The following ATAD5 variants were observed in gnomAD, a reference collection of about 807,000 sequenced individuals.
ATAD5 encodes ATPase family AAA domain containing 5.
In ATAD5, 58 loss-of-function variants were observed where a neutral mutation model predicts 176.9. The ratio of observed to expected loss-of-function variants is 0.33; its 90% CI spans 0.27 to 0.41. The LOEUF (loss-of-function observed/expected upper bound fraction) is 0.41. Ranked by LOEUF, ATAD5 falls within the 10% of genes least tolerant of loss-of-function variation. ATAD5 has a pLI of 1.00. For synonymous variants in ATAD5, 640 were observed against 712.6 expected (o/e 0.90, Z 1.62); for missense variants, 1,789 against 2,094.1 (o/e 0.85, Z 2.84).
intron 7 of ATAD5, among the ~76,000 whole-genome samples, chr17:30,855,805 G>A (rs558399891): frequency 6.6e-6 from 1 of 151,828 alleles, no homozygotes; most frequent in African/African-American, 2.4e-5. Context: ...GCTGCAGTGA[G>A]CCATGATCAT....
In ATAD5 at chr17:30,832,463, G is replaced by C. The variant is rs749512103; in HGVS notation, c.66+50G>C. On this transcript the variant is annotated intron_variant, in intron 1 of 22. Coordinates refer to ENST00000321990, the MANE Select transcript of ATAD5 (RefSeq NM_024857.5). ...GAGTTCCTTCCTCTATCTTTTGGGG[G>C]ATTGGAAGGTGGGTCTTGGCGGAAG... 4.9e-6 allele frequency: 7 copies of C among 1,438,082 alleles called. No individual in the cohort carries two copies. In the South Asian group the frequency reaches 1.1e-4, roughly 22 times the overall value. 89.1% of individuals were successfully genotyped at this position (1,438,082 alleles called of 1,614,324 possible). A position where few individuals can be genotyped will look rare whatever the true frequency, so the allele number is the denominator to read the frequency against.
chr17:30,872,535 C>CT (rs59593075), intron 14 of ATAD5, among the ~76,000 whole-genome samples: 38 of 98,080 alleles, frequency 3.9e-4, no homozygotes, highest in African/African-American at 6.4e-4. Context: ...GTTTCTTTTT[C>CT]TTTTTTTTTT....
At chr17:30,892,428 A>T (rs1222115086) in intron 19 of ATAD5, among the ~76,000 whole-genome samples, 179 bp from the exon 20 acceptor site, 9 of 146,512 alleles carry the variant, frequency 6.1e-5, no homozygotes, top group African/African-American at 2.3e-4. Context: ...CTGTCTTTAA[A>T]AAAAAAAAAA....
Position 30,832,036 on chromosome 17 carries a change from C to T in ATAD5, c.-312C>T, listed in dbSNP as rs542849676. 6 of 374,676 alleles carry T rather than the reference C, an allele frequency of 1.6e-5. No homozygotes were observed. The highest frequency in any genetic ancestry group is 4.6e-5 in the Admixed American group (1 of 21,912). 23.2% of individuals were successfully genotyped at this position (374,676 alleles called of 1,614,324 possible). On this transcript the variant is annotated 5_prime_UTR_variant, in exon 1 of 23. Transcript: ENST00000321990. ...AAGCTCTGTGGTCCGATCTGCGGTC[C>T]GCTTGCTTTCCCTGCCCGGTCCCGA... is the stretch of plus-strand genomic sequence containing the variant.
In ATAD5 at chr17:30,894,017, T is replaced by A. The variant is rs1164027311; in HGVS notation, c.5164T>A (p.Ser1722Thr). Residue 1722 changes from serine (S) to threonine (T), a missense_variant, in exon 21 of 23, where the codon TCT becomes ACT. Coordinates refer to ENST00000321990, the MANE Select transcript of ATAD5 (RefSeq NM_024857.5). ...AGCTCTCAGCTTTACTAAATGTTCT[T>A]CTGCTATTTCAAAAGCATTGGAAAC... ...AEALSFTKCS[S>T]AISKALETLN... is the part of the protein sequence containing the mutation. 1 of 1,613,586 alleles carries A rather than the reference T, an allele frequency of 6.2e-7. No homozygotes were observed. The highest frequency in any genetic ancestry group is 1.7e-5 in the Admixed American group (1 of 59,986).
chr17:30,879,399 T>TA, intron 17 of ATAD5, 24 bp from the exon 18 acceptor site: 3 of 1,594,954 alleles, frequency 1.9e-6, no homozygotes, highest in Non-Finnish European at 2.6e-6. Flanking sequence ...AATTTTTTTT[T>TA]TTTGTGTGTG....
intron 17 of ATAD5, among the ~76,000 whole-genome samples, chr17:30,878,671 A>C (rs1372259171): frequency 7.1e-6 from 1 of 140,136 alleles, no homozygotes; most frequent in East Asian, 2.1e-4. Flanking sequence ...TAGTGATTGT[A>C]CTCTTAAAAT....
At chr17:30,843,187 G>A (rs7210904) in intron 4 of ATAD5, among the ~76,000 whole-genome samples, 35,642 of 151,286 alleles carry the variant, frequency 0.24, 6,393 homozygotes, top group African/African-American at 0.5. Flanking sequence ...ACCTGGCTCT[G>A]CAAAGAACAC....
At chr17:30,848,149 A>G (rs368049471) in intron 6 of ATAD5, among the ~76,000 whole-genome samples, 1 of 152,200 alleles carries the variant, frequency 6.6e-6, no homozygotes, top group African/African-American at 2.4e-5. Context: ...AGAACCTGGC[A>G]AACTGTTGTC....
intron 4 of ATAD5, among the ~76,000 whole-genome samples, chr17:30,843,645 A>G (rs930970465): frequency 2.3e-4 from 34 of 149,350 alleles, no homozygotes; most frequent in African/African-American, 8.5e-4. Context: ...GAGAGACTCC[A>G]TTTCAAAAAA....
chr17:30,875,811 T>A (rs1490660157), intron 14 of ATAD5, among the ~76,000 whole-genome samples: 28 of 115,260 alleles, frequency 2.4e-4, no homozygotes, highest in African/African-American at 7.3e-4. Context: ...AAAAAAAAAA[T>A]GTGTGTTTCT....
chr17:30,848,029 T>C (rs1195596423), intron 6 of ATAD5, among the ~76,000 whole-genome samples: 1 of 152,150 alleles, frequency 6.6e-6, no homozygotes, highest in Non-Finnish European at 1.5e-5. Context: ...CTGACTGCTA[T>C]GAACATTCTT....
At position 30,855,303 on chromosome 17, in the gene ATAD5, G is replaced by C. The variant is rs140072712; in HGVS notation, c.2611G>C (p.Val871Leu). The C allele has an allele frequency of 6.3e-7, 1 of 1,592,702 alleles. No homozygotes were observed. The highest frequency in any genetic ancestry group is 8.5e-7 in the Non-Finnish European group (1 of 1,172,296). ...NAVSTSFQRV[V>L]HVQQKDDGCC... ...AGTGAGTACCAGTTTCCAGAGAGTCGTACATGTGCAACAAAAGGATGATGG... is the reference window on the plus strand; with the variant it reads ...AGTGAGTACCAGTTTCCAGAGAGTCCTACATGTGCAACAAAAGGATGATGG... The change falls in exon 7 of 23, where the codon GTA becomes CTA. Residue 871 changes from valine (V) to leucine (L), a missense_variant. This residue lies in a region of ATAD5 where 487 missense variants were observed against 573.6 expected (regional missense o/e 0.85). Transcript: ENST00000321990.
chr17:30,887,265 C>A lies in ATAD5; in HGVS notation c.4151C>A (p.Thr1384Asn), dbSNP rs368664013. 4 of 1,607,570 alleles carry A rather than the reference C, an allele frequency of 2.5e-6. No homozygotes were observed. The highest frequency in any genetic ancestry group is 1.3e-5 in the African/African-American group (1 of 74,530). ...NFRTDVKDFV[T>N]LLTANTCDIR... ...AGAACTGATGTAAAAGACTTTGTAA[C>A]CTTGTTAACTGCAAATACTTGTGAT... is the stretch of plus-strand genomic sequence containing the variant. The change falls in exon 19 of 23, where the codon ACC becomes AAC. Residue 1384 changes from threonine to asparagine, a missense_variant. By Grantham distance (65) the Thr-to-Asn change is moderately conservative. Transcript: ENST00000321990.
At chr17:30,852,116 GGCT>G (rs909715387) in intron 6 of ATAD5, among the ~76,000 whole-genome samples, 2 of 152,214 alleles carry the variant, frequency 1.3e-5, no homozygotes, top group African/African-American at 4.8e-5. Context: ...TTTGTTAGTT[GGCT>G]GCTATAAGAG....
At chr17:30,857,850 C>T (rs1173597916) in intron 8 of ATAD5, among the ~76,000 whole-genome samples, 2 of 151,300 alleles carry the variant, frequency 1.3e-5, no homozygotes, top group African/African-American at 4.9e-5. Context: ...AAGCGATCCT[C>T]CTGCCTCAGC....
chr17:30,833,034 A>G (rs913326803), intron 1 of ATAD5, among the ~76,000 whole-genome samples: 1 of 152,184 alleles, frequency 6.6e-6, no homozygotes, highest in African/African-American at 2.4e-5. Flanking sequence ...TAGACTTGTT[A>G]TATTTTACAC....
At chr17:30,870,028 C>G (rs1908248993) in intron 14 of ATAD5, among the ~76,000 whole-genome samples, 1 of 151,960 alleles carries the variant, frequency 6.6e-6, no homozygotes, top group Admixed American at 6.6e-5. Context: ...GTGGGAGGTT[C>G]ACTTGAGCCT....
In ATAD5 at chr17:30,837,285, G is replaced by C; in HGVS notation, c.2047G>C (p.Asp683His). Reference protein sequence around the residue: ...NKRSEKSEATDGGFTSQIRKA... With the variant: ...NKRSEKSEATHGGFTSQIRKA... ...AAGATCTGAGAAATCTGAAGCAACT[G>C]ATGGAGGTTTTACTTCTCAGATTAG... The change falls in exon 3 of 23, where the codon GAT becomes CAT. Residue 683 changes from aspartate (D) to histidine (H), a missense_variant. Transcript: ENST00000321990. 1 of 1,581,196 alleles carries C rather than the reference G, an allele frequency of 6.3e-7. No individual in the cohort carries two copies. The highest frequency in any genetic ancestry group is 8.6e-7 in the Non-Finnish European group (1 of 1,166,760).
Sources: allele counts gnomAD v4.1 joint callset (sites outside exome capture counted in the v4.1 genomes callset), GRCh38; gene constraint gnomAD v4.1.1; regional missense constraint gnomAD v4.1.1; transcripts MANE v1.5; gene names NCBI Gene and HGNC (gene_info 2026-07-23, HGNC 2026-07-21).